PCSK2: variants seen among roughly 807,000 people sequenced by gnomAD.
The protein encoded by PCSK2 is proprotein convertase subtilisin/kexin type 2.
In PCSK2, 14 loss-of-function variants were observed where a neutral mutation model predicts 69.7. The observed-to-expected ratio is 0.20, with a 90% CI of 0.13 to 0.31. The LOEUF is 0.31. Among genes scored for constraint, PCSK2 ranks in the 10% least tolerant of loss-of-function variants. PCSK2 has a pLI of 1.00. For missense variants in PCSK2, 544 were observed against 842.5 expected (o/e 0.65, Z 4.39); for synonymous variants, 307 against 320.7 (o/e 0.96, Z 0.46).
At chr20:17,356,948 C>A (rs762084993) in intron 2 of PCSK2, among the ~76,000 whole-genome samples, 20 of 152,134 alleles carry the variant, frequency 1.3e-4, no homozygotes, top group Non-Finnish European at 1.9e-4. Context: ...CTTCACTCCA[C>A]CAACACAGAA....
chr20:17,456,486 G>A (rs892814964), intron 10 of PCSK2, 38 bp downstream of exon 10: 1 of 1,131,284 alleles, frequency 8.8e-7, no homozygotes, highest in African/African-American at 1.5e-5. Context: ...CAGCTCTGCA[G>A]GGTGGACTAA....
chr20:17,339,893 T>C (rs1359745043), intron 2 of PCSK2, among the ~76,000 whole-genome samples: 2 of 152,202 alleles, frequency 1.3e-5, no homozygotes, highest in Admixed American at 6.5e-5. Flanking sequence ...ACACTAGCAA[T>C]GGACATGTCA....
intron 5 of PCSK2, among the ~76,000 whole-genome samples, chr20:17,380,838 G>T (rs779869497): frequency 2.0e-5 from 3 of 152,218 alleles, no homozygotes; most frequent in African/African-American, 7.2e-5. Context: ...CAATTAGTGC[G>T]TTATTCTAAG....
intron 6 of PCSK2, among the ~76,000 whole-genome samples, chr20:17,420,249 C>G (rs113985267): frequency 8.9e-4 from 135 of 152,286 alleles, no homozygotes; most frequent in African/African-American, 3.1e-3. Context: ...TAAGCTGATA[C>G]CTTACCCTGG....
chr20:17,258,663 C>T (rs1987267353), intron 1 of PCSK2, among the ~76,000 whole-genome samples: 1 of 151,816 alleles, frequency 6.6e-6, no homozygotes, highest in African/African-American at 2.4e-5. Flanking sequence ...TCACATGTAC[C>T]CCCAAACCCA....
chr20:17,465,730 G>A (rs755558850), intron 11 of PCSK2, among the ~76,000 whole-genome samples, 177 bp downstream of exon 11: 4 of 152,202 alleles, frequency 2.6e-5, no homozygotes, highest in South Asian at 4.1e-4. Flanking sequence ...GTGCAGTGGC[G>A]TGATCACAGC....
chr20:17,357,908 A>G (rs1005049631), intron 2 of PCSK2, among the ~76,000 whole-genome samples: 2 of 152,068 alleles, frequency 1.3e-5, no homozygotes, highest in Non-Finnish European at 2.9e-5. Context: ...AAAAAAAAAA[A>G]AAGAATACTT....
intron 5 of PCSK2, among the ~76,000 whole-genome samples, chr20:17,406,997 A>G (rs1239924433): frequency 6.6e-6 from 1 of 151,850 alleles, no homozygotes; most frequent in African/African-American, 2.4e-5. Context: ...GTTCACCCAG[A>G]TCCTGCCTAA....
At chr20:17,304,633 C>A (rs1279474791) in intron 2 of PCSK2, among the ~76,000 whole-genome samples, 1 of 152,160 alleles carries the variant, frequency 6.6e-6, no homozygotes, top group Non-Finnish European at 1.5e-5. Flanking sequence ...GCAACTTACA[C>A]ATTTTTTTAA....
intron 2 of PCSK2, among the ~76,000 whole-genome samples, chr20:17,335,334 T>A (rs1990316039): frequency 6.6e-6 from 1 of 152,096 alleles, no homozygotes; most frequent in Non-Finnish European, 1.5e-5. Context: ...GGGCTCAGAC[T>A]TCTTTACAGG....
chr20:17,410,927 C>T (rs1398425906), intron 6 of PCSK2, among the ~76,000 whole-genome samples: 1 of 152,178 alleles, frequency 6.6e-6, no homozygotes, highest in African/African-American at 2.4e-5. Flanking sequence ...CCACTGGCTA[C>T]TTGCTGTCTT....
At chr20:17,241,951 G>A (rs1377488966) in intron 1 of PCSK2, among the ~76,000 whole-genome samples, 1 of 152,174 alleles carries the variant, frequency 6.6e-6, no homozygotes, top group East Asian at 1.9e-4. Flanking sequence ...CCTGAGGCTA[G>A]AAAGAAAGTT....
intron 2 of PCSK2, among the ~76,000 whole-genome samples, chr20:17,308,213 C>T (rs1989389257): frequency 6.6e-6 from 1 of 152,194 alleles, no homozygotes; most frequent in Non-Finnish European, 1.5e-5. Flanking sequence ...GCTAAACTGT[C>T]CATGGGAAAC....
In PCSK2 at chr20:17,433,812, T is replaced by TCTCTCTCTCCC. The variant is rs774361715; in HGVS notation, c.710-2895_710-2894insTCTCTCTCCCC. 3.6e-3 allele frequency among the ~76,000 whole-genome samples: 378 copies of TCTCTCTCTCCC among 104,148 alleles called. 31 individuals carry two copies. The highest frequency in any genetic ancestry group is 0.014 in the African/African-American group (341 of 24,280). The allele number at this position is 104,148 out of a possible 152,430, so 68.3% of individuals were successfully genotyped here. A position where few individuals can be genotyped will look rare whatever the true frequency, so the allele number is the denominator to read the frequency against. On this transcript the variant is annotated intron_variant, in intron 7 of 11. Coordinates refer to ENST00000262545, the MANE Select transcript of PCSK2 (RefSeq NM_002594.5). ...CTCTCTCTCTCTCTCTCTCTCTCTC[T>TCTCTCTCTCCC]CCCCCCACTTCCTTCCCTCCTCCTC...
chr20:17,434,356 G>T (rs1003194891), intron 7 of PCSK2, among the ~76,000 whole-genome samples: 1 of 121,648 alleles, frequency 8.2e-6, no homozygotes, highest in Admixed American at 8.0e-5. Context: ...CTTGGGTCAC[G>T]CTGAGCCTCT....
At chr20:17,414,533 G>A (rs6044794) in intron 6 of PCSK2, among the ~76,000 whole-genome samples, 77,913 of 151,974 alleles carry the variant, frequency 0.51, 20,965 homozygotes, top group South Asian at 0.71. Context: ...TGAAATTGAG[G>A]CAATAATTAA....
chr20:17,372,796 G>C (rs1421816192), intron 5 of PCSK2, among the ~76,000 whole-genome samples: 1 of 152,174 alleles, frequency 6.6e-6, no homozygotes, highest in Non-Finnish European at 1.5e-5. Context: ...AAACTGGCTG[G>C]TTTTTAATGG....
At position 17,412,862 on chromosome 20, in the gene PCSK2, G is replaced by A. The variant is rs571677465; in HGVS notation, c.620+3523G>A. Among the ~76,000 whole-genome samples, 3 of 152,334 alleles carry A rather than the reference G, an allele frequency of 2.0e-5. No homozygotes were observed. In the South Asian group the frequency reaches 6.2e-4, roughly 32 times the overall value. On this transcript the variant is annotated intron_variant, in intron 6 of 11. Transcript: ENST00000262545. ...CAGAAACCCTACAAGCCAGAGGAGA[G>A]TGGGGACCAATATTCAACATTCTTA... is the stretch of plus-strand genomic sequence containing the variant.
chr20:17,270,312 G>T (rs558920255), intron 2 of PCSK2, among the ~76,000 whole-genome samples: 1 of 152,140 alleles, frequency 6.6e-6, no homozygotes, highest in Non-Finnish European at 1.5e-5. Flanking sequence ...CTATAAACAG[G>T]TTTCACGGTC....
Sources: allele counts gnomAD v4.1 joint callset (sites outside exome capture counted in the v4.1 genomes callset), GRCh38; gene constraint gnomAD v4.1.1; transcripts MANE v1.5; gene names NCBI Gene and HGNC (gene_info 2026-07-23, HGNC 2026-07-21).